PIBF1: variants seen among roughly 807,000 people sequenced by gnomAD.
PIBF1 encodes the protein progesterone-induced-blocking factor 1.
In PIBF1, 90 loss-of-function variants were observed where a neutral mutation model predicts 112.5. The ratio of observed to expected loss-of-function variants is 0.80; its 90% confidence interval spans 0.67 to 0.95. The LOEUF (loss-of-function observed/expected upper bound fraction) is 0.95. Ranked by LOEUF, PIBF1 falls within the 40% of genes least tolerant of loss-of-function variation. PIBF1 has a pLI of 0.00. For missense variants in PIBF1, 915 were observed against 852.3 expected (o/e 1.07, Z -0.92); for synonymous variants, 301 against 288.6 (o/e 1.04, Z -0.44).
At chr13:72,896,604 A>C (rs2040290037) in intron 11 of PIBF1, among the ~76,000 whole-genome samples, 5 of 152,198 alleles carry the variant, frequency 3.3e-5, no homozygotes, top group Admixed American at 3.3e-4. Context: ...AAAGAAAAAA[A>C]ATCAAAAATT....
chr13:72,844,769 A>T (rs902240526), intron 9 of PIBF1, among the ~76,000 whole-genome samples: 6 of 114,914 alleles, frequency 5.2e-5, no homozygotes, highest in African/African-American at 1.6e-4. Flanking sequence ...ACACACACAC[A>T]CACACACACA....
In PIBF1 at chr13:72,805,213, G is replaced by C. The variant is rs1348846154; in HGVS notation, c.672+7187G>C. ...GCTGGCATGCAGTGGCACGATCTCG[G>C]TTCACTGCAAGCTCCGCCTTCTGGG... is the stretch of plus-strand genomic sequence containing the variant. On this transcript the variant is annotated intron_variant, in intron 5 of 17. Coordinates refer to ENST00000326291, the MANE Select transcript of PIBF1 (RefSeq NM_006346.4). Among the ~76,000 whole-genome samples the C allele has an allele frequency of 5.3e-5, 8 of 152,286 alleles. No homozygotes were observed. The South Asian group carries it at 1.7e-3, about 32-fold the overall frequency.
At chr13:72,928,883 A>C (rs1407576496) in intron 13 of PIBF1, among the ~76,000 whole-genome samples, 1 of 152,226 alleles carries the variant, frequency 6.6e-6, no homozygotes, top group Non-Finnish European at 1.5e-5. Context: ...ATTAAACTTG[A>C]TGTCTTCAAG....
intron 12 of PIBF1, among the ~76,000 whole-genome samples, chr13:72,916,583 T>C (rs1332817486): frequency 6.6e-6 from 1 of 151,924 alleles, no homozygotes; most frequent in African/African-American, 2.4e-5. Flanking sequence ...AGTAAGGCCA[T>C]CAATACATGC....
At chr13:72,854,023 T>C in intron 9 of PIBF1, 34 bp from the exon 10 acceptor site, 1 of 1,396,832 alleles carries the variant, frequency 7.2e-7, no homozygotes, top group South Asian at 1.2e-5. Flanking sequence ...AAATCACGCA[T>C]TTGAAATAAC....
chr13:72,853,919 A>G (rs932695880), intron 9 of PIBF1, 138 bp from the exon 10 acceptor site: 5 of 619,470 alleles, frequency 8.1e-6, no homozygotes, highest in African/African-American at 5.5e-5. Flanking sequence ...CAACCAAGCC[A>G]AGCAGGTTTA....
rs2035293395 is a variant in PIBF1, at chr13:72,798,231, TC to T, written c.672+207del. Among the ~76,000 whole-genome samples, 3 of 152,236 alleles carry T rather than the reference TC, an allele frequency of 2.0e-5. No homozygotes were observed. The South Asian group carries it at 6.2e-4, about 32-fold the overall frequency. On this transcript the variant is annotated intron_variant, in intron 5 of 17. Transcript: ENST00000326291. ...AAGACAAGTCTGTGTTATTGACGTA[TC>T]CTATAGTTGAGCTTTTATTGTTGCA... is the stretch of plus-strand genomic sequence containing the variant.
At chr13:72,858,520 G>GTA (rs1163541274) in intron 10 of PIBF1, among the ~76,000 whole-genome samples, 1 of 152,210 alleles carries the variant, frequency 6.6e-6, no homozygotes, top group Non-Finnish European at 1.5e-5. Context: ...ATACAACAAT[G>GTA]TAGTTGTACA....
At position 72,908,619 on chromosome 13, in the gene PIBF1, G is replaced by A; in HGVS notation, c.1577G>A (p.Arg526Lys). 6.2e-7 allele frequency: 1 copy of A among 1,613,322 alleles called. No homozygotes were observed. Among genetic ancestry groups the A allele is most frequent in the Non-Finnish European group, 8.5e-7 (1 of 1,179,412 alleles). Residue 526 changes from arginine to lysine, a missense_variant, in exon 12 of 18, where the codon AGG (arginine) becomes AAG (lysine). Physicochemically the swap from Arg to Lys is conservative, Grantham distance 26 (BLOSUM62 2). Transcript: ENST00000326291. ...LQAQNSEHQA[R>K]LDIYEKLEKE... ...GCACAGAACTCAGAGCATCAAGCAA[G>A]GCTAGACATTTATGAGAAACTGGAA...
chr13:72,999,718 T>C (rs1311052321), intron 17 of PIBF1, among the ~76,000 whole-genome samples: 3 of 152,202 alleles, frequency 2.0e-5, no homozygotes, highest in African/African-American at 7.2e-5. Context: ...GATTTTTTAG[T>C]GATTATATAA....
Position 72,843,181 on chromosome 13 carries a change from G to A in PIBF1, c.1223+7813G>A, listed in dbSNP as rs535423066. ...TTTTTATAACTACGGTTGCAATGCG[G>A]GGTGGATTATAGTTGAAGAAAGCCT... is the stretch of plus-strand genomic sequence containing the variant. On this transcript the variant is annotated intron_variant, in intron 9 of 17. Transcript: ENST00000326291. Among the ~76,000 whole-genome samples the A allele has an allele frequency of 2.6e-5, 4 of 152,342 alleles. No homozygotes were observed. The East Asian group carries it at 7.7e-4, about 29-fold the overall frequency.
chr13:72,861,880 CTA>C (rs1594075275), intron 10 of PIBF1, among the ~76,000 whole-genome samples: 1 of 151,884 alleles, frequency 6.6e-6, no homozygotes, highest in East Asian at 1.9e-4. Flanking sequence ...ATGAGAGAAA[CTA>C]TATATGAAAA....
chr13:72,923,257 T>C (rs2041361525), intron 13 of PIBF1, among the ~76,000 whole-genome samples: 1 of 152,190 alleles, frequency 6.6e-6, no homozygotes, highest in Admixed American at 6.5e-5. Flanking sequence ...TTTGCTAGGC[T>C]AAAAATGTTA....
At chr13:72,923,827 A>T (rs2138725304) in intron 13 of PIBF1, among the ~76,000 whole-genome samples, 1 of 152,226 alleles carries the variant, frequency 6.6e-6, no homozygotes, top group African/African-American at 2.4e-5. Context: ...TAGTTGGCAT[A>T]GTGGTGGGCG....
chr13:72,913,543 C>T (rs968944771), intron 12 of PIBF1, among the ~76,000 whole-genome samples: 3 of 152,050 alleles, frequency 2.0e-5, no homozygotes, highest in African/African-American at 7.2e-5. Flanking sequence ...TTTGGGAGAC[C>T]AAGGCAGGAC....
chr13:72,808,885 G>A (rs946148396), intron 5 of PIBF1, among the ~76,000 whole-genome samples: 19 of 152,242 alleles, frequency 1.2e-4, no homozygotes, highest in Admixed American at 4.6e-4. Context: ...GAAAATGATA[G>A]CAATAATGAC....
chr13:72,827,703 TG>T, intron 7 of PIBF1, 29 bp from the exon 8 acceptor site: 1 of 1,298,608 alleles, frequency 7.7e-7, no homozygotes, highest in Non-Finnish European at 1.0e-6. Flanking sequence ...GGCATCACTG[TG>T]GATACTTTTT....
intron 5 of PIBF1, among the ~76,000 whole-genome samples, chr13:72,798,604 G>A (rs866868328): frequency 6.6e-6 from 1 of 152,102 alleles, no homozygotes; most frequent in Non-Finnish European, 1.5e-5. Flanking sequence ...GATGAATATA[G>A]TAATCATAAA....
At chr13:72,844,750 C>CGG (rs2037765490) in intron 9 of PIBF1, among the ~76,000 whole-genome samples, 6 of 87,554 alleles carry the variant, frequency 6.9e-5, no homozygotes, top group South Asian at 4.5e-4. Flanking sequence ...CACACACACA[C>CGG]ACACACACAC....
Sources: allele counts gnomAD v4.1 joint callset (sites outside exome capture counted in the v4.1 genomes callset), GRCh38; gene constraint gnomAD v4.1.1; transcripts MANE v1.5; gene names NCBI Gene and HGNC (gene_info 2026-07-23, HGNC 2026-07-21).